CCDC169: variants seen among roughly 807,000 people sequenced by gnomAD.
CCDC169 encodes the protein coiled-coil domain-containing protein 169.
A neutral mutation model predicts 36.0 loss-of-function variants in CCDC169; 30 were observed. The ratio of observed to expected loss-of-function variants is 0.83; its 90% CI spans 0.62 to 1.13. The LOEUF (loss-of-function observed/expected upper bound fraction) is 1.13. CCDC169 is among the 50% of genes most tolerant of loss of function. The pLI, the probability that CCDC169 is intolerant of heterozygous loss-of-function variation, is 0.00. For synonymous variants in CCDC169, 85 were observed against 81.5 expected, an observed-to-expected ratio of 1.04 and a Z score of -0.23; for missense variants, 245 against 245.9, an observed-to-expected ratio of 1.00 and a Z score of 0.03.
At chr13:36,282,385 G>C (rs1877642385) in intron 4 of CCDC169, 1 of 985,234 alleles carries the variant, frequency 1.0e-6, no homozygotes. Context: ...CTCTTGACTG[G>C]ATATAGGATT....
At chr13:36,283,878 A>C (rs1421065838) in intron 2 of CCDC169, among the ~76,000 whole-genome samples, 176 bp from the exon 3 acceptor site, 4 of 152,134 alleles carry the variant, frequency 2.6e-5, no homozygotes, top group Non-Finnish European at 5.9e-5. Context: ...GATTTTCCAG[A>C]CTGCAAGAAT....
intron 2 of CCDC169, among the ~76,000 whole-genome samples, chr13:36,291,456 G>A (rs913976520): frequency 5.3e-5 from 8 of 151,916 alleles, no homozygotes; most frequent in Admixed American, 2.0e-4. Context: ...TTATGGTTTC[G>A]GTTGGAATTG....
chr13:36,274,038 T>A (rs1443095441), intron 4 of CCDC169, among the ~76,000 whole-genome samples: 1 of 152,162 alleles, frequency 6.6e-6, no homozygotes, highest in Non-Finnish European at 1.5e-5. Flanking sequence ...ATTCCCAGAA[T>A]AACCCACTTC....
chr13:36,227,279 G>C, downstream of CCDC169: 1 of 1,551,420 alleles, frequency 6.4e-7, no homozygotes, highest in South Asian at 1.2e-5. Flanking sequence ...CTTTTTGTCC[G>C]AGGCATGTCC....
At chr13:36,282,134 A>G (rs1171728466) in intron 4 of CCDC169, among the ~76,000 whole-genome samples, 1 of 152,086 alleles carries the variant, frequency 6.6e-6, no homozygotes, top group African/African-American at 2.4e-5. Flanking sequence ...GTATGTCTGT[A>G]CAGATTACTC....
intron 7 of CCDC169, among the ~76,000 whole-genome samples, chr13:36,247,956 A>G (rs1594016864): frequency 6.6e-6 from 1 of 152,238 alleles, no homozygotes; most frequent in East Asian, 1.9e-4. Flanking sequence ...TTGTTGCCCT[A>G]TTTTCAAAAT....
chr13:36,286,648 A>G (rs1878293438), intron 2 of CCDC169, among the ~76,000 whole-genome samples: 1 of 151,606 alleles, frequency 6.6e-6, no homozygotes, highest in Non-Finnish European at 1.5e-5. Flanking sequence ...TTCCAACTTC[A>G]TCATCCTGAT....
intron 7 of CCDC169, among the ~76,000 whole-genome samples, chr13:36,234,300 C>A (rs1328683702): frequency 1.3e-5 from 2 of 152,028 alleles, no homozygotes; most frequent in Non-Finnish European, 2.9e-5. Flanking sequence ...GGGCGAAGAG[C>A]CTATGGCGGC....
intron 4 of CCDC169, among the ~76,000 whole-genome samples, chr13:36,274,902 C>T (rs1340340186): frequency 1.5e-5 from 2 of 131,388 alleles, no homozygotes; most frequent in Non-Finnish European, 3.1e-5. Flanking sequence ...ACAAAGTCTC[C>T]CTGTCGCCCA....
chr13:36,248,641 A>T lies in CCDC169; in HGVS notation c.510T>A (p.Asp170Glu). The change falls in exon 7 of 8, where the codon GAT becomes GAA. Residue 170 changes from aspartate (D) to glutamate (E), a missense_variant. Transcript: ENST00000239859. ...LHQVSKRQQVDQLPRMQENLV... is the reference protein window; with the variant it reads ...LHQVSKRQQVEQLPRMQENLV... The stretch of plus-strand genomic sequence containing the variant: ...GATTCTCTTGCATCCTAGGCAGTTG[A>T]TCCACCTGTTGCCTTTTAGAAACTT... 6.4e-7 allele frequency: 1 copy of T among 1,550,748 alleles called. No individual in the cohort carries two copies. The highest frequency in any genetic ancestry group is 8.7e-7 in the Non-Finnish European group (1 of 1,146,384).
Position 36,271,822 on chromosome 13 carries a change from T to C in CCDC169, c.315+11647A>G, listed in dbSNP as rs561364271. Among the ~76,000 whole-genome samples, 8 of 152,044 alleles carry C rather than the reference T, an allele frequency of 5.3e-5. No individual in the cohort carries two copies. In the South Asian group the frequency reaches 1.5e-3, roughly 28 times the overall value. ...ATTAGTGGCCGGGCATGGTGGCTCA[T>C]ACCTATAATCCCAGCACTTTGGGAG... On this transcript the variant is annotated intron_variant, in intron 4 of 7. Transcript: ENST00000239859.
intron 4 of CCDC169, among the ~76,000 whole-genome samples, chr13:36,275,787 G>T (rs148188275): frequency 2.5e-4 from 38 of 152,268 alleles, no homozygotes; most frequent in African/African-American, 9.1e-4. Flanking sequence ...GCTAAAAGAA[G>T]AATCTGAATC....
At chr13:36,276,890 T>C (rs983916366) in intron 4 of CCDC169, among the ~76,000 whole-genome samples, 1 of 152,178 alleles carries the variant, frequency 6.6e-6, no homozygotes, top group Non-Finnish European at 1.5e-5. Context: ...ATAGAGCCTA[T>C]TGTGAGGTCT....
chr13:36,262,960 CAGA>C (rs914701305), intron 4 of CCDC169, among the ~76,000 whole-genome samples: 21 of 152,202 alleles, frequency 1.4e-4, no homozygotes, highest in African/African-American at 4.1e-4. Flanking sequence ...ATACAATTTG[CAGA>C]AGGAGGTGAG....
At chr13:36,222,650 A>G (rs1869673672), downstream of CCDC169, 1 of 152,194 alleles carries the variant, frequency 6.6e-6, no homozygotes, top group Admixed American at 6.5e-5. Context: ...GAAAAGAAGA[A>G]ACTGAACTGC....
chr13:36,227,509 AAT>A (rs71869097), downstream of CCDC169: 469,457 of 1,089,780 alleles, frequency 0.43, 110,504 homozygotes, highest in Non-Finnish European at 0.45. Flanking sequence ...AAAATAAATA[AAT>A]AAATAAAAGC....
chr13:36,227,277 C>T (rs1443066945), downstream of CCDC169: 1 of 1,551,446 alleles, frequency 6.4e-7, no homozygotes, highest in East Asian at 2.4e-5. Context: ...TGCTTTTTGT[C>T]CGAGGCATGT....
chr13:36,281,289 G>GA (rs35267999), intron 4 of CCDC169: 104,677 of 381,556 alleles, frequency 0.27, 8,100 homozygotes, highest in East Asian at 0.45. Context: ...AAAGAAAAGA[G>GA]AAAAAAAAAA....
chr13:36,290,512 C>A (rs1011944224), intron 2 of CCDC169, among the ~76,000 whole-genome samples: 11 of 152,044 alleles, frequency 7.2e-5, no homozygotes, highest in Non-Finnish European at 1.2e-4. Flanking sequence ...TCCCTCCAGG[C>A]CCAGGGGCTA....
Sources: gnomAD v4.1 joint callset for allele counts (sites outside exome capture counted in the v4.1 genomes callset) on GRCh38, gnomAD v4.1.1 for gene constraint, MANE v1.5 for transcripts, NCBI Gene and HGNC (gene_info 2026-07-23, HGNC 2026-07-21) for gene names.